GPC5: variants seen among roughly 807,000 people sequenced by gnomAD.
GPC5 encodes glypican 5.
In GPC5, 47 loss-of-function variants were observed where a neutral mutation model predicts 53.9. That is an observed-to-expected ratio of 0.87 (90% confidence interval 0.69 to 1.11). The LOEUF (loss-of-function observed/expected upper bound fraction) is 1.11, where lower values mean the gene tolerates loss of function less well. Ranked by LOEUF, GPC5 falls within the 50% of genes most tolerant of loss-of-function variation. The pLI, the probability that GPC5 is intolerant of heterozygous loss-of-function variation, is 0.00. For missense variants in GPC5, 748 were observed against 713.1 expected (o/e 1.05, Z -0.56); for synonymous variants, 286 against 263.3 (o/e 1.09, Z -0.84).
chr13:92,250,732 T>C (rs1411746), intron 7 of GPC5, among the ~76,000 whole-genome samples: 41,030 of 151,932 alleles, frequency 0.27, 5,799 homozygotes, highest in South Asian at 0.44. Flanking sequence ...AAATAATGCA[T>C]CTAAAAACTA....
intron 7 of GPC5, among the ~76,000 whole-genome samples, chr13:92,300,735 G>A (rs954835146): frequency 1.3e-5 from 2 of 152,186 alleles, no homozygotes; most frequent in Non-Finnish European, 2.9e-5. Context: ...CCTATCTTAA[G>A]CAATATTGTG....
intron 6 of GPC5, among the ~76,000 whole-genome samples, chr13:92,020,615 G>A (rs1326330077): frequency 6.6e-6 from 1 of 150,702 alleles, no homozygotes; most frequent in African/African-American, 2.4e-5. Context: ...ATACCTGTTG[G>A]CCATTTGTAT....
At position 92,142,123 on chromosome 13, in the gene GPC5, C is replaced by T. The variant is rs144660206; in HGVS notation, c.1402-2707C>T. Among the ~76,000 whole-genome samples, 998 of 152,216 alleles carry T rather than the reference C, an allele frequency of 6.6e-3. 11 individuals carry two copies. Among genetic ancestry groups the T allele is most frequent in the African/African-American group, 0.023 (950 of 41,510 alleles). ...ATGACAAGTTGATGGGTGCAGCAAACGAACATGGTACATGTATAGCTATGT... is the reference window on the plus strand; with the variant it reads ...ATGACAAGTTGATGGGTGCAGCAAATGAACATGGTACATGTATAGCTATGT... On this transcript the variant is annotated intron_variant, in intron 6 of 7. Transcript: ENST00000377067.
At chr13:92,822,033 C>A (rs990070040) in intron 7 of GPC5, among the ~76,000 whole-genome samples, 1 of 152,034 alleles carries the variant, frequency 6.6e-6, no homozygotes, top group African/African-American at 2.4e-5. Context: ...GAAATCTCAT[C>A]GACTCTGGGG....
At chr13:91,519,085 G>T (rs1885663920) in intron 2 of GPC5, among the ~76,000 whole-genome samples, 1 of 152,112 alleles carries the variant, frequency 6.6e-6, no homozygotes, top group African/African-American at 2.4e-5. Flanking sequence ...AGCTAAAGTG[G>T]AATATTTATT....
At chr13:91,919,882 T>G (rs1381251589) in intron 6 of GPC5, among the ~76,000 whole-genome samples, 4 of 152,156 alleles carry the variant, frequency 2.6e-5, no homozygotes, top group Admixed American at 1.3e-4. Context: ...GTACACACAG[T>G]CCATGCAGAA....
chr13:92,653,249 C>T (rs2139169609), intron 7 of GPC5, among the ~76,000 whole-genome samples: 1 of 152,278 alleles, frequency 6.6e-6, no homozygotes. Flanking sequence ...TGGTCCATAC[C>T]ATCTGACAAT....
intron 5 of GPC5, among the ~76,000 whole-genome samples, chr13:91,776,358 G>A (rs1429820626): frequency 6.6e-6 from 1 of 152,118 alleles, no homozygotes; most frequent in Admixed American, 6.6e-5. Flanking sequence ...AGTTAATGTG[G>A]CTTTGTTTGT....
intron 2 of GPC5, among the ~76,000 whole-genome samples, chr13:91,471,574 T>C (rs1882632419): frequency 6.6e-6 from 1 of 152,118 alleles, no homozygotes. Flanking sequence ...TGCCCAACAG[T>C]TTGATGAAGA....
intron 4 of GPC5, among the ~76,000 whole-genome samples, chr13:91,755,483 GC>G (rs2140124148): frequency 6.6e-6 from 1 of 152,104 alleles, no homozygotes; most frequent in East Asian, 1.9e-4. Flanking sequence ...CATAATGAAG[GC>G]CTTTAGGACT....
intron 7 of GPC5, among the ~76,000 whole-genome samples, chr13:92,604,988 A>C (rs1884204112): frequency 6.6e-6 from 1 of 152,244 alleles, no homozygotes; most frequent in Non-Finnish European, 1.5e-5. Context: ...AGCTTTCAGC[A>C]GTCACTGAAT....
chr13:91,416,642 T>C (rs1457801048), intron 1 of GPC5, among the ~76,000 whole-genome samples: 2 of 151,956 alleles, frequency 1.3e-5, no homozygotes, highest in African/African-American at 2.4e-5. Flanking sequence ...TGGTGTGTGA[T>C]GTTCCCTGCC....
chr13:91,869,571 G>A (rs1004096019), intron 5 of GPC5, among the ~76,000 whole-genome samples: 3 of 151,886 alleles, frequency 2.0e-5, no homozygotes, highest in African/African-American at 7.3e-5. Context: ...CTACATTATT[G>A]CTGAGATTTT....
intron 7 of GPC5, among the ~76,000 whole-genome samples, chr13:92,327,016 T>C (rs1053563331): frequency 1.3e-5 from 2 of 152,120 alleles, no homozygotes; most frequent in Non-Finnish European, 2.9e-5. Flanking sequence ...CCTGAGCTAA[T>C]CTGTTTCAGG....
At position 92,396,568 on chromosome 13, in the gene GPC5, G is replaced by A. The variant is rs9561035; in HGVS notation, c.1561+251579G>A. Among the ~76,000 whole-genome samples the A allele has an allele frequency of 7.9e-5, 12 of 151,696 alleles. No homozygotes were observed. The East Asian group carries it at 1.9e-3, about 25-fold the overall frequency. On this transcript the variant is annotated intron_variant, in intron 7 of 7. Coordinates refer to ENST00000377067, the MANE Select transcript of GPC5 (RefSeq NM_004466.6). ...AAGTTCCATGATACACATGCAGGGC[G>A]TGCAGCCTTGTTACATAGGTAAACA...
At chr13:91,837,526 A>T (rs1445212620) in intron 5 of GPC5, among the ~76,000 whole-genome samples, 2 of 152,126 alleles carry the variant, frequency 1.3e-5, no homozygotes, top group Non-Finnish European at 2.9e-5. Flanking sequence ...ACAAAAAAGG[A>T]AGGAAAAAAC....
At chr13:92,254,068 T>C (rs2042710286) in intron 7 of GPC5, among the ~76,000 whole-genome samples, 1 of 152,024 alleles carries the variant, frequency 6.6e-6, no homozygotes, top group South Asian at 2.1e-4. Context: ...ATAGCTAAGC[T>C]GCCTGAAGGT....
At chr13:92,269,324 T>C (rs7993595) in intron 7 of GPC5, among the ~76,000 whole-genome samples, 52,541 of 152,052 alleles carry the variant, frequency 0.35, 9,749 homozygotes, top group African/African-American at 0.48. Flanking sequence ...GTTGTAATTT[T>C]CTATTTGTCG....
intron 6 of GPC5, among the ~76,000 whole-genome samples, chr13:92,091,946 TG>T (rs2041384595): frequency 1.3e-5 from 2 of 152,216 alleles, no homozygotes; most frequent in South Asian, 4.1e-4. Flanking sequence ...TACTTTCATT[TG>T]TAGTTTATAG....
Sources: allele counts gnomAD v4.1 joint callset (sites outside exome capture counted in the v4.1 genomes callset), GRCh38; gene constraint gnomAD v4.1.1; transcripts MANE v1.5; gene names NCBI Gene and HGNC (gene_info 2026-07-23, HGNC 2026-07-21).